GCSAM: variants seen among roughly 807,000 people sequenced by gnomAD.
GCSAM encodes germinal center-associated signaling and motility protein.
Under a neutral mutation model 17.6 loss-of-function variants are expected in GCSAM, and 8 were observed. The ratio of observed to expected loss-of-function variants is 0.46; its 90% CI spans 0.27 to 0.82. The LOEUF (loss-of-function observed/expected upper bound fraction) is 0.82. GCSAM is among the 40% of genes least tolerant of loss of function. GCSAM has a pLI of 0.15. For synonymous variants in GCSAM, 68 were observed against 69.0 expected, an observed-to-expected ratio of 0.98 and a Z score of 0.07; for missense variants, 192 against 213.5, an observed-to-expected ratio of 0.90 and a Z score of 0.63.
At chr3:112,126,024 G>A (rs899521119) in intron 4 of GCSAM, among the ~76,000 whole-genome samples, 3 of 152,080 alleles carry the variant, frequency 2.0e-5, no homozygotes, top group Admixed American at 1.3e-4. Flanking sequence ...ACATTCTCTC[G>A]GTCCTCACAT....
chr3:112,132,604 T>G (rs531472233), intron 1 of GCSAM: 1 of 972,042 alleles, frequency 1.0e-6, no homozygotes, highest in Admixed American at 6.1e-5. Flanking sequence ...ATCTGAGTTC[T>G]GTGCCTATTT....
intron 1 of GCSAM, among the ~76,000 whole-genome samples, chr3:112,132,349 C>G (rs1371143673): frequency 6.6e-6 from 1 of 152,166 alleles, no homozygotes; most frequent in Non-Finnish European, 1.5e-5. Flanking sequence ...GGCTCGCTTA[C>G]TCTCTCTAGA....
intron 2 of GCSAM, 74 bp from the exon 3 acceptor site, chr3:112,128,135 T>C (rs1305674261): frequency 1.4e-6 from 2 of 1,413,386 alleles, no homozygotes; most frequent in East Asian, 4.6e-5. Flanking sequence ...CCTTTCCTTT[T>C]GCCATTTCTG....
chr3:112,126,023 C>T (rs1437594604), intron 4 of GCSAM, among the ~76,000 whole-genome samples: 2 of 152,158 alleles, frequency 1.3e-5, no homozygotes, highest in East Asian at 1.9e-4. Flanking sequence ...GACATTCTCT[C>T]GGTCCTCACA....
chr3:112,125,118 C>G, intron 5 of GCSAM, 108 bp downstream of exon 5: 1 of 763,812 alleles, frequency 1.3e-6, no homozygotes. Flanking sequence ...TAAAGTCTTT[C>G]TCCATGTAAG....
chr3:112,128,737 G>A (rs968017544), intron 2 of GCSAM: 3 of 160,958 alleles, frequency 1.9e-5, no homozygotes, highest in Non-Finnish European at 2.7e-5. Context: ...TTAAATAACA[G>A]GACTTCTCTC....
In GCSAM at chr3:112,130,660, T is replaced by G. The variant is rs1011333593; in HGVS notation, c.30-147A>C. 7.0e-6 allele frequency: 5 copies of G among 712,384 alleles called. No homozygotes were observed. The African/African-American group carries it at 8.6e-5, about 12-fold the overall frequency. 44.1% of individuals were successfully genotyped at this position (712,384 alleles called of 1,614,324 possible). A position where few individuals can be genotyped will look rare whatever the true frequency, so the allele number is the denominator to read the frequency against. On this transcript the variant is annotated intron_variant, in intron 1 of 5. Coordinates refer to ENST00000308910, the MANE Select transcript of GCSAM (RefSeq NM_152785.5). ...TGCCCTCACACATGTTAATACTGTT[T>G]CCTCAAGCACATGTCGCAAGCTACC...
At chr3:112,128,261 T>C (rs1350047796) in intron 2 of GCSAM, 200 bp from the exon 3 acceptor site, 1 of 696,618 alleles carries the variant, frequency 1.4e-6, no homozygotes, top group South Asian at 1.5e-5. Context: ...AAATTCCTAA[T>C]CAGGAAAAAA....
chr3:112,130,673 G>C (rs1166997499), intron 1 of GCSAM, 160 bp from the exon 2 acceptor site: 1 of 662,512 alleles, frequency 1.5e-6, no homozygotes, highest in Non-Finnish European at 2.7e-6. Flanking sequence ...TCAAGCACAT[G>C]TCGCAAGCTA....
rs1304495775 is a variant in GCSAM, at chr3:112,128,069, A to G, written c.99-8T>C. On this transcript the variant is annotated splice_polypyrimidine_tract_variant and splice_region_variant and intron_variant, in intron 2 of 5. Transcript: ENST00000308910. ...ATATGGTGATCCCAGCATCTAAAATACCCAAGAGAGATGGCAAATCATAAG... is the reference window on the plus strand; with the variant it reads ...ATATGGTGATCCCAGCATCTAAAATGCCCAAGAGAGATGGCAAATCATAAG... 6 of 1,612,886 alleles carry G rather than the reference A, an allele frequency of 3.7e-6. No homozygotes were observed. The highest frequency in any genetic ancestry group is 5.1e-6 in the Non-Finnish European group (6 of 1,178,944).
chr3:112,132,418 C>A (rs899978616), intron 1 of GCSAM, among the ~76,000 whole-genome samples: 3 of 152,100 alleles, frequency 2.0e-5, no homozygotes, highest in Non-Finnish European at 4.4e-5. Flanking sequence ...TTTGGTGGCA[C>A]GGCTTTGATA....
chr3:112,124,485 T>C (rs2074265928), intron 5 of GCSAM, among the ~76,000 whole-genome samples: 1 of 152,126 alleles, frequency 6.6e-6, no homozygotes, highest in South Asian at 2.1e-4. Flanking sequence ...GGCACACACC[T>C]GCAATCCCAG....
chr3:112,129,776 C>A (rs1358597849), intron 2 of GCSAM: 2 of 152,122 alleles, frequency 1.3e-5, no homozygotes, highest in African/African-American at 4.8e-5. Flanking sequence ...AACAACAGTG[C>A]TTGTTTTTTA....
Position 112,121,924 on chromosome 3 carries a change from G to A in GCSAM, c.*1531C>T, listed in dbSNP as rs1202240759. 2 of 152,084 alleles carry A rather than the reference G, an allele frequency of 1.3e-5. No individual in the cohort carries two copies. The highest frequency in any genetic ancestry group is 2.9e-5 in the Non-Finnish European group (2 of 68,020). The allele number at this position is 152,084 out of a possible 1,614,324, so 9.4% of individuals were successfully genotyped here. A position where few individuals can be genotyped will look rare whatever the true frequency, so the allele number is the denominator to read the frequency against. On this transcript the variant is annotated 3_prime_UTR_variant, in exon 6 of 6. Coordinates refer to ENST00000308910, the MANE Select transcript of GCSAM (RefSeq NM_152785.5). ...TTCCCTGTCGCTTAGCTGGTCCAAG[G>A]GCCTGTCTAGTAAACATAATGTACC... is the stretch of plus-strand genomic sequence containing the variant.
rs1262911697 is a variant in GCSAM, at chr3:112,133,188, G to A, written c.-68C>T. On this transcript the variant is annotated 5_prime_UTR_variant, in exon 1 of 6. Transcript: ENST00000308910. ...TTCCTTCTTGCCTTGTGCTCTGACA[G>A]GGCAACTCCTGACTTAAAGAAAGGG... is the stretch of plus-strand genomic sequence containing the variant. 2 of 1,536,332 alleles carry A rather than the reference G, an allele frequency of 1.3e-6. No homozygotes were observed. The highest frequency in any genetic ancestry group is 1.8e-6 in the Non-Finnish European group (2 of 1,109,530).
At position 112,122,709 on chromosome 3, in the gene GCSAM, GTA is replaced by G. The variant is rs757411484; in HGVS notation, c.*744_*745del. ...ATTAAGTTTTGCCACTAACTTTAAT[GTA>G]TCATTAGGCAAATTATCCTCTCTGA... is the stretch of plus-strand genomic sequence containing the variant. On this transcript the variant is annotated 3_prime_UTR_variant, in exon 6 of 6. Coordinates refer to ENST00000308910, the MANE Select transcript of GCSAM (RefSeq NM_152785.5). The G allele has an allele frequency of 6.6e-6, 1 of 152,012 alleles. No homozygotes were observed. Among genetic ancestry groups the G allele is most frequent in the Non-Finnish European group, 1.5e-5 (1 of 68,044 alleles). The allele number at this position is 152,012 out of a possible 1,614,324, so 9.4% of individuals were successfully genotyped here.
Position 112,122,121 on chromosome 3 carries a change from T to C in GCSAM, c.*1334A>G, listed in dbSNP as rs1199254413. Reference sequence around the variant, plus strand: ...TCACTTATCCATTTGTGATTTAATATTTTTATGCCATTTTATTGGTGCTTG... The same window carrying C: ...TCACTTATCCATTTGTGATTTAATACTTTTATGCCATTTTATTGGTGCTTG... On this transcript the variant is annotated 3_prime_UTR_variant, in exon 6 of 6. Coordinates refer to ENST00000308910, the MANE Select transcript of GCSAM (RefSeq NM_152785.5). 1 of 152,222 alleles carries C rather than the reference T, an allele frequency of 6.6e-6. No individual in the cohort carries two copies. Among genetic ancestry groups the C allele is most frequent in the Non-Finnish European group, 1.5e-5 (1 of 68,042 alleles). 9.4% of individuals were successfully genotyped at this position (152,222 alleles called of 1,614,324 possible).
At position 112,122,049 on chromosome 3, in the gene GCSAM, A is replaced by G. The variant is rs2074211660; in HGVS notation, c.*1406T>C. On this transcript the variant is annotated 3_prime_UTR_variant, in exon 6 of 6. Coordinates refer to ENST00000308910, the MANE Select transcript of GCSAM (RefSeq NM_152785.5). ...TTAAATAAAACAGCAAGTGGAAGAC[A>G]CAGGTGTGAATACAGAAATAGTAGA... 6.6e-6 allele frequency: 1 copy of G among 152,246 alleles called. No individual in the cohort carries two copies. The highest frequency in any genetic ancestry group is 1.5e-5 in the Non-Finnish European group (1 of 68,048). The allele number at this position is 152,246 out of a possible 1,614,324, so 9.4% of individuals were successfully genotyped here. A position where few individuals can be genotyped will look rare whatever the true frequency, so the allele number is the denominator to read the frequency against.
At chr3:112,130,140 TG>T in intron 2 of GCSAM, 1 of 332,282 alleles carries the variant, frequency 3.0e-6, no homozygotes, top group East Asian at 5.5e-5. Flanking sequence ...CAAAGGTACC[TG>T]AGATAGACAA....
Sources: allele counts gnomAD v4.1 joint callset (sites outside exome capture counted in the v4.1 genomes callset), GRCh38; gene constraint gnomAD v4.1.1; transcripts MANE v1.5; gene names NCBI Gene and HGNC (gene_info 2026-07-23, HGNC 2026-07-21).